Variants in FAM171A1 observed in about 807,000 individuals in gnomAD.
FAM171A1 encodes protein FAM171A1.
FAM171A1 carries 23 observed loss-of-function variants against 74.9 expected under a neutral mutation model. The ratio of observed to expected loss-of-function variants is 0.31; its 90% CI spans 0.22 to 0.44. The LOEUF is 0.44. Ranked by LOEUF, FAM171A1 falls within the 20% of genes least tolerant of loss-of-function variation. The pLI is 1.00. For synonymous variants in FAM171A1, 527 were observed against 505.7 expected, an observed-to-expected ratio of 1.04 and a Z score of -0.57; for missense variants, 1,162 against 1,159.2, an observed-to-expected ratio of 1.00 and a Z score of -0.03.
At chr10:15,342,896 G>A (rs1027554585) in intron 1 of FAM171A1, among the ~76,000 whole-genome samples, 23 of 152,206 alleles carry the variant, frequency 1.5e-4, no homozygotes, top group African/African-American at 5.3e-4. Flanking sequence ...CTGGAAGACC[G>A]ACCTTGGAGT....
chr10:15,253,774 G>T (rs1378012977), intron 4 of FAM171A1, among the ~76,000 whole-genome samples: 1 of 152,134 alleles, frequency 6.6e-6, no homozygotes, highest in Non-Finnish European at 1.5e-5. Context: ...TAAAGTGTGG[G>T]GGAAAGGAAA....
At chr10:15,267,725 GTA>G (rs1834765318) in intron 3 of FAM171A1, among the ~76,000 whole-genome samples, 1 of 151,792 alleles carries the variant, frequency 6.6e-6, no homozygotes. Context: ...GAGGAACCCT[GTA>G]GAGACTTGAG....
intron 3 of FAM171A1, among the ~76,000 whole-genome samples, chr10:15,261,435 A>G (rs546446340): frequency 6.6e-6 from 1 of 152,316 alleles, no homozygotes; most frequent in East Asian, 1.9e-4. Flanking sequence ...TGATGAGTTT[A>G]TCACATCATC....
chr10:15,265,360 T>A (rs1407190721), intron 3 of FAM171A1, among the ~76,000 whole-genome samples: 3 of 151,812 alleles, frequency 2.0e-5, no homozygotes, highest in Non-Finnish European at 4.4e-5. Flanking sequence ...ATGCCTGTAA[T>A]CCCAGTACTT....
chr10:15,284,754 G>C (rs574223051), intron 1 of FAM171A1, among the ~76,000 whole-genome samples: 1 of 152,282 alleles, frequency 6.6e-6, no homozygotes, highest in South Asian at 2.1e-4. Context: ...ACCACAGTAA[G>C]GGCACAGTGG....
chr10:15,334,566 T>C lies in FAM171A1; in HGVS notation c.97+36390A>G, dbSNP rs148904724. Among the ~76,000 whole-genome samples, 182 of 152,260 alleles carry C rather than the reference T, an allele frequency of 1.2e-3. 2 individuals are homozygous for C. The East Asian group carries it at 0.023, about 20-fold the overall frequency. ...AAAGAAAGATTTCCAATCCTCAACA[T>C]GGGTTTCCCAAACTGCCTTCATAGG... On this transcript the variant is annotated intron_variant, in intron 1 of 7. Coordinates refer to ENST00000378116, the MANE Select transcript of FAM171A1 (RefSeq NM_001010924.2).
intron 1 of FAM171A1, among the ~76,000 whole-genome samples, chr10:15,357,673 T>G (rs540570544): frequency 1.3e-5 from 2 of 152,276 alleles, no homozygotes; most frequent in East Asian, 3.9e-4. Context: ...GCTGAAGTAT[T>G]TATTTAGGGG....
chr10:15,248,692 C>A lies in FAM171A1; in HGVS notation c.701G>T (p.Ser234Ile), dbSNP rs778402479. The change falls in exon 5 of 8, where the codon AGC (serine) becomes ATC (isoleucine). Residue 234 changes from serine (S) to isoleucine (I), a missense_variant. Transcript: ENST00000378116. ...GACATAGGCATTGTGCCTCAGGCTG[C>A]TCTGCGTGGCCAGGGGCACAGTGAC... ...IYVTVPLATQ[S>I]SLRHNAYVAA... The A allele has an allele frequency of 1.2e-6, 2 of 1,613,194 alleles. No individual in the cohort carries two copies. Among genetic ancestry groups the A allele is most frequent in the South Asian group, 2.2e-5 (2 of 90,790 alleles).
At chr10:15,322,202 G>T (rs1235230436) in intron 1 of FAM171A1, among the ~76,000 whole-genome samples, 1 of 152,152 alleles carries the variant, frequency 6.6e-6, no homozygotes, top group Non-Finnish European at 1.5e-5. Context: ...GTTCTAAATG[G>T]ACAAATAATG....
intron 1 of FAM171A1, among the ~76,000 whole-genome samples, chr10:15,350,527 G>A (rs1380412025): frequency 6.7e-6 from 1 of 150,166 alleles, no homozygotes; most frequent in Non-Finnish European, 1.5e-5. Context: ...ATTTTTAGTA[G>A]AGACGGGGTT....
intron 1 of FAM171A1, among the ~76,000 whole-genome samples, chr10:15,344,568 T>G (rs1169054917): frequency 3.3e-5 from 5 of 152,164 alleles, no homozygotes; most frequent in Admixed American, 3.3e-4. Context: ...GATGCCCAGG[T>G]ACATTCAAAT....
chr10:15,251,114 G>A (rs374385915), intron 4 of FAM171A1, among the ~76,000 whole-genome samples: 8 of 152,168 alleles, frequency 5.3e-5, no homozygotes, highest in African/African-American at 1.7e-4. Context: ...ACTAAGGAGG[G>A]TAGACTAGAT....
At chr10:15,364,621 C>T (rs186442303) in intron 1 of FAM171A1, among the ~76,000 whole-genome samples, 2 of 152,278 alleles carry the variant, frequency 1.3e-5, no homozygotes, top group East Asian at 1.9e-4. Flanking sequence ...AAACAACACA[C>T]ACTTATAATC....
chr10:15,292,722 G>T (rs1835116581), intron 1 of FAM171A1, among the ~76,000 whole-genome samples: 1 of 152,070 alleles, frequency 6.6e-6, no homozygotes, highest in African/African-American at 2.4e-5. Context: ...CCGGACTCAA[G>T]CAATCCACCC....
chr10:15,304,326 A>T (rs1835267698), intron 1 of FAM171A1, among the ~76,000 whole-genome samples: 1 of 152,088 alleles, frequency 6.6e-6, no homozygotes, highest in African/African-American at 2.4e-5. Flanking sequence ...TTACTCCTGG[A>T]GATCATAAAC....
chr10:15,253,791 T>G (rs1312712484), intron 4 of FAM171A1, among the ~76,000 whole-genome samples: 3 of 152,082 alleles, frequency 2.0e-5, no homozygotes, highest in Non-Finnish European at 4.4e-5. Context: ...GAAAGTGGGG[T>G]AGACAAGAAA....
chr10:15,214,280 T>C lies in FAM171A1; in HGVS notation c.1308A>G (p.Glu436=). 1 of 1,613,906 alleles carries C rather than the reference T, an allele frequency of 6.2e-7. No homozygotes were observed. Among genetic ancestry groups the C allele is most frequent in the South Asian group, 1.1e-5 (1 of 91,034 alleles). The stretch of plus-strand genomic sequence containing the variant: ...CAAAGGAGATCTGGCTTTTATCCTC[T>C]TCCTTGCAAGAGAGGAGCTCCTCCC... ...SSREELLSCK[E]EDKSQISFDN... The change falls in exon 8 of 8, where the codon GAA becomes GAG. Residue 436 remains glutamate, a synonymous_variant. Transcript: ENST00000378116.
chr10:15,347,224 A>G (rs928873667), intron 1 of FAM171A1, among the ~76,000 whole-genome samples: 2 of 152,234 alleles, frequency 1.3e-5, no homozygotes, highest in African/African-American at 4.8e-5. Context: ...CAGAACTCAT[A>G]AAAATGTGCA....
At chr10:15,226,064 C>T (rs980591701) in intron 5 of FAM171A1, among the ~76,000 whole-genome samples, 2 of 152,188 alleles carry the variant, frequency 1.3e-5, no homozygotes, top group African/African-American at 4.8e-5. Flanking sequence ...TCTGCACAAG[C>T]AAGCAGCTGA....
Sources: gnomAD v4.1 joint callset for allele counts (sites outside exome capture counted in the v4.1 genomes callset) on GRCh38, gnomAD v4.1.1 for gene constraint, MANE v1.5 for transcripts, NCBI Gene and HGNC (gene_info 2026-07-23, HGNC 2026-07-21) for gene names.